Variants in ABCB9 observed in about 807,000 individuals in gnomAD.
The protein encoded by ABCB9 is ABC-type oligopeptide transporter ABCB9.
ABCB9 carries 36 observed loss-of-function variants against 62.0 expected under a neutral mutation model. The observed-to-expected ratio is 0.58, with a 90% confidence interval of 0.45 to 0.77. The LOEUF is 0.77. Among genes scored for constraint, ABCB9 ranks in the 30% least tolerant of loss-of-function variants. ABCB9 has a pLI of 0.00. For missense variants in ABCB9, 943 were observed against 1,054.7 expected, an observed-to-expected ratio of 0.89 and a Z score of 1.47; for synonymous variants, 435 against 461.4, an observed-to-expected ratio of 0.94 and a Z score of 0.73.
rs143585191 is a variant in ABCB9, at chr12:122,949,857, G to A, written c.778C>T (p.Arg260Cys). 2.5e-6 allele frequency: 4 copies of A among 1,614,090 alleles called. No homozygotes were observed. Among genetic ancestry groups the A allele is most frequent in the East Asian group, 4.5e-5 (2 of 44,888 alleles). ...FTLIFARLNI[R>C]LRNCLFRSLV... The stretch of plus-strand genomic sequence containing the variant: ...GAGCGGAAGAGACAGTTTCGAAGGC[G>A]AATGTTCAGTCTGGCAAATATGAGG... The change falls in exon 4 of 12, where the codon CGC (arginine) becomes TGC (cysteine). Residue 260 changes from arginine to cysteine, a missense_variant. Coordinates refer to ENST00000280560, the MANE Select transcript of ABCB9 (RefSeq NM_019625.4).
chr12:122,949,802 T>A lies in ABCB9; in HGVS notation c.833A>T (p.Asp278Val). 2.5e-6 allele frequency: 4 copies of A among 1,614,132 alleles called. No individual in the cohort carries two copies. Among genetic ancestry groups the A allele is most frequent in the Non-Finnish European group, 3.4e-6 (4 of 1,179,988 alleles). Residue 278 changes from aspartate (D) to valine (V), a missense_variant, in exon 4 of 12, where the codon GAT becomes GTT. Transcript: ENST00000280560. Reference protein sequence around the residue: ...SLVSQETSFFDENRTGDLISR... With the variant: ...SLVSQETSFFVENRTGDLISR... ...GAAGGACCAACCTGTGCGGTTCTCA[T>A]CAAAGAAGCTTGTCTCCTGGGACAC... is the stretch of plus-strand genomic sequence containing the variant.
At chr12:122,933,781 T>C (rs1461701330) in intron 10 of ABCB9, among the ~76,000 whole-genome samples, 1 of 152,162 alleles carries the variant, frequency 6.6e-6, no homozygotes, top group Non-Finnish European at 1.5e-5. Context: ...GTAAAAATAG[T>C]TTGTATTTAA....
intron 1 of ABCB9, 137 bp from the exon 2 acceptor site, chr12:122,960,459 T>G: frequency 1.5e-4 from 85 of 585,184 alleles, no homozygotes; most frequent in Middle Eastern, 4.7e-4. Context: ...ACTTCCCGGG[T>G]ACTAAGATTC....
rs2036089073 is a variant in ABCB9 at position 122,947,210 on chromosome 12, G to C, written c.1054-988C>G. On this transcript the variant is annotated intron_variant, in intron 5 of 11. Transcript: ENST00000280560. The surrounding 1 kb of genome is among the most constrained non-coding windows in gnomAD (Gnocchi z 6.0). ...CAGGGTTTCTTGCTCCATCCCAGGG[G>C]CTGGTGGGAAGGCCGGAAGCAAGGG... 1.3e-5 allele frequency among the ~76,000 whole-genome samples: 2 copies of C among 152,238 alleles called. No individual in the cohort carries two copies. The highest frequency in any genetic ancestry group is 1.3e-4 in the Admixed American group (2 of 15,282).
chr12:122,920,126 C>A (rs989842129), downstream of ABCB9, among the ~76,000 whole-genome samples: 1 of 152,090 alleles, frequency 6.6e-6, no homozygotes, highest in Non-Finnish European at 1.5e-5. Context: ...AGTGGTCCGC[C>A]TGCCTCGGCC....
chr12:122,970,447 C>T (rs1335922204), upstream of ABCB9, among the ~76,000 whole-genome samples: 1 of 152,034 alleles, frequency 6.6e-6, no homozygotes, highest in Non-Finnish European at 1.5e-5. Context: ...GAAGTTTCAC[C>T]ATATTGGCCA....
In ABCB9 at chr12:122,944,633, C is replaced by A; in HGVS notation, c.1252-114G>T. On this transcript the variant is annotated intron_variant, in intron 6 of 11. Coordinates refer to ENST00000280560, the MANE Select transcript of ABCB9 (RefSeq NM_019625.4). The surrounding 1 kb of genome is among the most constrained non-coding windows in gnomAD (Gnocchi z 4.9). ...AGGTGAGGGCAGACCCAGCCACAAA[C>A]TGAAATGCCGGCCGTTGGCAGGGGT... 1 of 1,457,474 alleles carries A rather than the reference C, an allele frequency of 6.9e-7. No homozygotes were observed. 90.3% of individuals were successfully genotyped at this position (1,457,474 alleles called of 1,614,324 possible). A position where few individuals can be genotyped will look rare whatever the true frequency, so the allele number is the denominator to read the frequency against.
intron 2 of ABCB9, among the ~76,000 whole-genome samples, chr12:122,957,910 C>T (rs1015242560): frequency 2.6e-5 from 4 of 151,244 alleles, no homozygotes; most frequent in African/African-American, 9.7e-5. Flanking sequence ...TGGCTCATGC[C>T]TGTAATCCCA....
chr12:122,935,197 G>C, intron 10 of ABCB9, 75 bp downstream of exon 10: 2 of 1,455,886 alleles, frequency 1.4e-6, no homozygotes, highest in Non-Finnish European at 1.8e-6. Context: ...GCAGGGGGCA[G>C]TGCTTAACTC....
At chr12:122,968,495 G>A (rs1353789620), upstream of ABCB9, among the ~76,000 whole-genome samples, 1 of 152,168 alleles carries the variant, frequency 6.6e-6, no homozygotes, top group East Asian at 1.9e-4. Flanking sequence ...TACTAGCATA[G>A]TATAGCAAAA....
Position 122,930,185 on chromosome 12 carries a change from G to A in ABCB9, c.2041-14C>T, listed in dbSNP as rs1363880802. 1.3e-6 allele frequency: 2 copies of A among 1,536,228 alleles called. No individual in the cohort carries two copies. Among genetic ancestry groups the A allele is most frequent in the Non-Finnish European group, 1.8e-6 (2 of 1,136,952 alleles). ...GGCCTGCTGGATCTGCGGGGACAGTGGGGGCCTGGCTTGCATGGCACGGAC... is the reference window on the plus strand; with the variant it reads ...GGCCTGCTGGATCTGCGGGGACAGTAGGGGCCTGGCTTGCATGGCACGGAC... On this transcript the variant is annotated splice_polypyrimidine_tract_variant and intron_variant, in intron 11 of 11. Coordinates refer to ENST00000280560, the MANE Select transcript of ABCB9 (RefSeq NM_019625.4). This position sits in a 1 kb window ranked among gnomAD's most constrained non-coding sequence, Gnocchi z 4.9.
chr12:122,928,768 TC>T (rs2034981626), downstream of ABCB9, among the ~76,000 whole-genome samples: 1 of 152,064 alleles, frequency 6.6e-6, no homozygotes, highest in African/African-American at 2.4e-5. Context: ...AGGCAACGTC[TC>T]TATCCCCCTG....
chr12:122,954,318 C>T lies in ABCB9; in HGVS notation c.602-3753G>A, dbSNP rs2036516283. ...CTGCCTCCTGGGTTCAAGCGATTCT[C>T]CTGCCTCAGCCTCCCGAGTAGCTGG... On this transcript the variant is annotated intron_variant, in intron 2 of 11. Transcript: ENST00000280560. Among the ~76,000 whole-genome samples the T allele has an allele frequency of 2.0e-5, 3 of 152,140 alleles. No individual in the cohort carries two copies. The South Asian group carries it at 6.2e-4, about 32-fold the overall frequency.
rs2037073191 is a variant in ABCB9 at position 122,964,536 on chromosome 12, C to T, written c.-88+1751G>A. Among the ~76,000 whole-genome samples, 1 of 152,214 alleles carries T rather than the reference C, an allele frequency of 6.6e-6. No individual in the cohort carries two copies. Among genetic ancestry groups the T allele is most frequent in the Admixed American group, 6.5e-5 (1 of 15,284 alleles). On this transcript the variant is annotated intron_variant, in intron 1 of 11. Transcript: ENST00000280560. The surrounding 1 kb of genome is among the most constrained non-coding windows in gnomAD (Gnocchi z 4.7). ...ACTCCTAGCAGAGTGGACTCCAGCC[C>T]CGGGTCGGGTTACAGTCCTCGGTGG...
At chr12:122,973,604 A>AAAAAAAAAAAC (rs1566206763) in intron 1 of ABCB9, among the ~76,000 whole-genome samples, 11 of 142,396 alleles carry the variant, frequency 7.7e-5, no homozygotes, top group Non-Finnish European at 1.2e-4. Flanking sequence ...AAAAAAAAAA[A>AAAAAAAAAAAC]AAAAACAAAA....
At chr12:122,949,747 G>C in intron 4 of ABCB9, 41 bp downstream of exon 4, 1 of 1,611,002 alleles carries the variant, frequency 6.2e-7, no homozygotes, top group Non-Finnish European at 8.5e-7. Flanking sequence ...ACAGGGGTGG[G>C]GCCCAGCCCC....
Position 122,930,086 on chromosome 12 carries a change from A to G in ABCB9, c.2126T>C (p.Leu709Pro). The change falls in exon 12 of 12, where the codon CTC becomes CCC. Residue 709 changes from leucine (L) to proline (P), a missense_variant. Transcript: ENST00000280560. This position sits in a 1 kb window ranked among gnomAD's most constrained non-coding sequence, Gnocchi z 4.9. ...GCGGCCCTTGTCCAGCACCACAATG[A>G]GGTGCGCGTGCTCCACGGTGCTCAG... ...HRLSTVEHAH[L>P]IVVLDKGRVV... 6.4e-7 allele frequency: 1 copy of G among 1,561,644 alleles called. No individual in the cohort carries two copies. Among genetic ancestry groups the G allele is most frequent in the Non-Finnish European group, 8.7e-7 (1 of 1,153,060 alleles).
chr12:122,960,498 C>T lies in ABCB9; in HGVS notation c.-87-176G>A, dbSNP rs190906524. On this transcript the variant is annotated intron_variant, in intron 1 of 11. Transcript: ENST00000280560. ...TCATTCAAGGGATACTTACTGAGTG[C>T]CCACTGCGGCCAGGTGCTGTTCTTT... Among the ~76,000 whole-genome samples the T allele has an allele frequency of 1.1e-3, 162 of 152,236 alleles. 6 individuals are homozygous for T. In the East Asian group the frequency reaches 0.022, roughly 21 times the overall value.
chr12:122,923,978 C>T (rs547228278), intron 11 of ABCB9, among the ~76,000 whole-genome samples: 4 of 152,262 alleles, frequency 2.6e-5, no homozygotes, highest in Middle Eastern at 3.4e-3. Context: ...GGCTCTGCCT[C>T]GCAAGGTGCT....
Sources: gnomAD v4.1 joint callset for allele counts (sites outside exome capture counted in the v4.1 genomes callset) on GRCh38, gnomAD v4.1.1 for gene constraint, Gnocchi (gnomAD v3.1) non-coding constraint, MANE v1.5 for transcripts, NCBI Gene and HGNC (gene_info 2026-07-23, HGNC 2026-07-21) for gene names.